The following KIAA1671 variants were observed in gnomAD, a reference collection of about 807,000 sequenced individuals.
The protein encoded by KIAA1671 is uncharacterized protein KIAA1671.
A neutral mutation model predicts 131.2 loss-of-function variants in KIAA1671; 52 were observed. The ratio of observed to expected loss-of-function variants is 0.40; its 90% CI spans 0.32 to 0.50. The LOEUF is 0.50. Ranked by LOEUF, KIAA1671 falls within the 20% of genes least tolerant of loss-of-function variation. KIAA1671 has a pLI of 0.73. For synonymous variants in KIAA1671, 1,003 were observed against 961.6 expected (o/e 1.04, Z -0.80); for missense variants, 2,360 against 2,364.2 (o/e 1.00, Z 0.04).
At chr22:25,120,315 G>A (rs1931869705) in intron 6 of KIAA1671, among the ~76,000 whole-genome samples, 5 of 152,248 alleles carry the variant, frequency 3.3e-5, no homozygotes, top group Admixed American at 3.3e-4. Context: ...CTGCTACAGT[G>A]TCGCCAGGCA....
intron 6 of KIAA1671, among the ~76,000 whole-genome samples, chr22:25,079,098 G>C (rs1218268169): frequency 2.0e-5 from 3 of 152,204 alleles, no homozygotes; most frequent in Non-Finnish European, 4.4e-5. Flanking sequence ...TGCTGAATAA[G>C]TGGTGGCAGC....
intron 6 of KIAA1671, chr22:25,052,827 G>A (rs1251273035): frequency 1.3e-5 from 2 of 152,030 alleles, no homozygotes; most frequent in South Asian, 2.1e-4. Context: ...AGTGATTCTC[G>A]TGCCTCAGCC....
intron 6 of KIAA1671, among the ~76,000 whole-genome samples, chr22:25,144,645 G>A (rs1487479191): frequency 2.0e-5 from 3 of 152,228 alleles, no homozygotes; most frequent in Non-Finnish European, 4.4e-5. Flanking sequence ...AAATATTTGT[G>A]CAGGCTTTAC....
At chr22:24,956,024 C>CAAAA (rs1167493018) in intron 1 of KIAA1671, among the ~76,000 whole-genome samples, 1 of 51,902 alleles carries the variant, frequency 1.9e-5, no homozygotes. Context: ...GACTCCGTCT[C>CAAAA]AAAAAAAAAA....
intron 6 of KIAA1671, among the ~76,000 whole-genome samples, chr22:25,100,366 CTAAGTGTGAGTGGGA>C (rs1235207611): frequency 6.6e-6 from 1 of 152,180 alleles, no homozygotes; most frequent in Non-Finnish European, 1.5e-5. Context: ...CACAACCAAT[CTAAGTGTGAGTGGGA>C]GAAAGCCAAA....
intron 6 of KIAA1671, among the ~76,000 whole-genome samples, chr22:25,111,285 T>C (rs1931330612): frequency 6.6e-6 from 1 of 152,196 alleles, no homozygotes; most frequent in Admixed American, 6.5e-5. Flanking sequence ...CCTGGTGCGC[T>C]TGCTGTGAGG....
chr22:24,953,320 G>T (rs1421918416), intron 1 of KIAA1671, among the ~76,000 whole-genome samples: 1 of 152,154 alleles, frequency 6.6e-6, no homozygotes, highest in Non-Finnish European at 1.5e-5. Context: ...GGACATTTGT[G>T]CGGGTTGGAG....
At chr22:25,061,435 C>T (rs567827600) in intron 6 of KIAA1671, 8 of 152,308 alleles carry the variant, frequency 5.3e-5, no homozygotes, top group South Asian at 2.1e-4. Context: ...TCTTACAGAC[C>T]GTGAGCCCCG....
intron 1 of KIAA1671, among the ~76,000 whole-genome samples, chr22:24,953,990 T>A (rs1002902633): frequency 6.6e-6 from 1 of 152,112 alleles, no homozygotes; most frequent in African/African-American, 2.4e-5. Context: ...TGGATCGGAA[T>A]GAAGGGTATG....
intron 1 of KIAA1671, among the ~76,000 whole-genome samples, chr22:25,025,390 C>T (rs1010736252): frequency 5.9e-5 from 9 of 152,154 alleles, no homozygotes; most frequent in Middle Eastern, 3.4e-3. Flanking sequence ...TTGTACACAC[C>T]GTAGGTGCTT....
At chr22:25,112,789 C>T (rs1202645427) in intron 6 of KIAA1671, 1 of 166,400 alleles carries the variant, frequency 6.0e-6, no homozygotes, top group African/African-American at 2.4e-5. Flanking sequence ...TCATCCTTCT[C>T]CCTATTTTTA....
intron 6 of KIAA1671, chr22:25,058,966 A>C (rs1054801767): frequency 6.6e-6 from 1 of 152,238 alleles, no homozygotes; most frequent in African/African-American, 2.4e-5. Flanking sequence ...CCACCTCTGC[A>C]TAAGGCCCGG....
intron 6 of KIAA1671, among the ~76,000 whole-genome samples, chr22:25,078,670 A>T (rs1929238949): frequency 6.6e-6 from 1 of 152,190 alleles, no homozygotes; most frequent in South Asian, 2.1e-4. Flanking sequence ...TACTGTTACC[A>T]GCTTCTGAAT....
intron 10 of KIAA1671, among the ~76,000 whole-genome samples, chr22:25,183,397 G>C (rs1341969823): frequency 6.6e-6 from 1 of 150,736 alleles, no homozygotes; most frequent in African/African-American, 2.5e-5. Flanking sequence ...TCAGTCACTA[G>C]AACTAGGTTA....
chr22:25,020,708 C>T (rs1925617935), intron 1 of KIAA1671, among the ~76,000 whole-genome samples: 1 of 152,156 alleles, frequency 6.6e-6, no homozygotes, highest in Non-Finnish European at 1.5e-5. Context: ...GAGGAGGTGG[C>T]ATTGAGATTA....
intron 6 of KIAA1671, among the ~76,000 whole-genome samples, chr22:25,134,654 G>T (rs1932593718): frequency 6.6e-6 from 1 of 152,162 alleles, no homozygotes; most frequent in Non-Finnish European, 1.5e-5. Flanking sequence ...GCAGCCTCCA[G>T]CCCAGAGAGT....
intron 6 of KIAA1671, among the ~76,000 whole-genome samples, chr22:25,096,336 C>T (rs763335649): frequency 2.0e-5 from 3 of 152,144 alleles, no homozygotes; most frequent in East Asian, 1.9e-4. Flanking sequence ...GGGCTGTCTC[C>T]GAGGGCTGCC....
At chr22:25,070,520 G>A in intron 6 of KIAA1671, 1 of 410,120 alleles carries the variant, frequency 2.4e-6, no homozygotes, top group East Asian at 3.6e-5. Context: ...GGTTAGCAAT[G>A]TCTCTGTTTT....
At chr22:25,103,203 C>G (rs528172498) in intron 6 of KIAA1671, among the ~76,000 whole-genome samples, 4 of 140,448 alleles carry the variant, frequency 2.8e-5, no homozygotes, top group South Asian at 4.6e-4. Flanking sequence ...CAAGTCCCCC[C>G]CCAACCGCCT....
Sources: gnomAD v4.1 joint callset for allele counts (sites outside exome capture counted in the v4.1 genomes callset) on GRCh38, gnomAD v4.1.1 for gene constraint, MANE v1.5 for transcripts, NCBI Gene and HGNC (gene_info 2026-07-23, HGNC 2026-07-21) for gene names.